C8orf90: variants seen among roughly 807,000 people sequenced by gnomAD.
C8orf90 encodes chromosome 8 open reading frame 90.
the C8orf90 span, among the ~76,000 whole-genome samples, chr8:141,515,647 C>T: frequency 6.6e-6 from 1 of 152,014 alleles, no homozygotes; most frequent in African/African-American, 2.4e-5. Context: ...GGTGGAAGCC[C>T]ACAGTGTCTT....
At chr8:141,516,094 C>T in the C8orf90 span, among the ~76,000 whole-genome samples, 1 of 152,212 alleles carries the variant, frequency 6.6e-6, no homozygotes. Flanking sequence ...TCCCTCCTCC[C>T]AGCCAAAGGC....
chr8:141,516,016 T>C, the C8orf90 span, among the ~76,000 whole-genome samples: 1 of 152,148 alleles, frequency 6.6e-6, no homozygotes, highest in African/African-American at 2.4e-5. Context: ...AGGACTTTGC[T>C]GGTGCCCACC....
At chr8:141,518,393 C>G in the C8orf90 span, 3 of 675,454 alleles carry the variant, frequency 4.4e-6, no homozygotes, top group East Asian at 9.0e-5. Context: ...GCCTGGCCGC[C>G]GGGGTCCGAC....
At chr8:141,518,519 A>G in the C8orf90 span, 1 of 552,306 alleles carries the variant, frequency 1.8e-6, no homozygotes, top group Non-Finnish European at 3.2e-6. Context: ...GCCACGGCCC[A>G]GGCAGCGATG....
the C8orf90 span, chr8:141,518,378 C>A: frequency 8.9e-6 from 6 of 676,946 alleles, no homozygotes; most frequent in East Asian, 3.0e-5. Context: ...CTGCCCTTCC[C>A]GTTCGCCTGG....
the C8orf90 span, chr8:141,514,732 A>G: frequency 2.9e-6 from 2 of 701,528 alleles, no homozygotes; most frequent in Admixed American, 4.0e-5. Context: ...CCAGCCCAGC[A>G]GGTCTGCCCC....
At chr8:141,514,848 C>A in the C8orf90 span, 1 of 671,154 alleles carries the variant, frequency 1.5e-6, no homozygotes, top group South Asian at 1.6e-5. Context: ...AGGAAGCGGC[C>A]CTCTGACCCA....
At chr8:141,515,937 C>T in the C8orf90 span, among the ~76,000 whole-genome samples, 5 of 152,314 alleles carry the variant, frequency 3.3e-5, no homozygotes, top group Non-Finnish European at 5.9e-5. Context: ...AAGCCCCCAT[C>T]GTCTCTCTCC....
the C8orf90 span, chr8:141,518,516 C>G: frequency 1.8e-6 from 1 of 564,592 alleles, no homozygotes; most frequent in Non-Finnish European, 3.1e-6. Context: ...CACGCCACGG[C>G]CCAGGCAGCG....
the C8orf90 span, chr8:141,514,686 G>C: frequency 1.0e-5 from 7 of 700,692 alleles, no homozygotes; most frequent in Non-Finnish European, 1.3e-5. Flanking sequence ...CCTGTCTCCC[G>C]GGCTGCTGGC....
At chr8:141,518,089 G>A in the C8orf90 span, 4 of 510,792 alleles carry the variant, frequency 7.8e-6, no homozygotes, top group African/African-American at 2.0e-5. Flanking sequence ...TGCCTTTCGA[G>A]CTCATTCGGC....
At chr8:141,518,075 G>T in the C8orf90 span, 1 of 510,802 alleles carries the variant, frequency 2.0e-6, no homozygotes, top group African/African-American at 2.0e-5. Flanking sequence ...GCCATCCCCA[G>T]CTCTGCCTTT....
the C8orf90 span, among the ~76,000 whole-genome samples, chr8:141,516,174 C>G: frequency 6.6e-6 from 1 of 152,232 alleles, no homozygotes; most frequent in Non-Finnish European, 1.5e-5. Context: ...CCCTCTTTCT[C>G]CTGCATCATG....
chr8:141,516,242 G>C, the C8orf90 span, among the ~76,000 whole-genome samples: 2 of 152,100 alleles, frequency 1.3e-5, no homozygotes, highest in African/African-American at 4.8e-5. Flanking sequence ...GATTTATCCT[G>C]TCTCTTGACC....
the C8orf90 span, among the ~76,000 whole-genome samples, chr8:141,517,986 C>A: frequency 6.6e-6 from 1 of 152,240 alleles, no homozygotes; most frequent in Non-Finnish European, 1.5e-5. Flanking sequence ...CACCCAGGAC[C>A]TCCCTCTCTT....
the C8orf90 span, among the ~76,000 whole-genome samples, chr8:141,516,601 G>A: frequency 3.2e-4 from 49 of 152,200 alleles, no homozygotes; most frequent in African/African-American, 1.1e-3. Context: ...GGGAGGACCC[G>A]AAGCTCTCTG....
At chr8:141,517,112 G>A in the C8orf90 span, among the ~76,000 whole-genome samples, 2 of 152,216 alleles carry the variant, frequency 1.3e-5, no homozygotes, top group Non-Finnish European at 1.5e-5. Context: ...GCCCAGCCCA[G>A]GGCTTCAGCT....
At chr8:141,517,523 G>C in the C8orf90 span, among the ~76,000 whole-genome samples, 3 of 152,216 alleles carry the variant, frequency 2.0e-5, no homozygotes, top group African/African-American at 7.2e-5. Flanking sequence ...AGGCTGAAGG[G>C]TGGCATGACT....
chr8:141,518,623 CCTT>C, the C8orf90 span: 1 of 508,368 alleles, frequency 2.0e-6, no homozygotes, highest in Admixed American at 3.7e-5. Context: ...CCCGCCGCCG[CCTT>C]CCCGGAGCCC....
Sources: gnomAD v4.1 joint callset for allele counts (sites outside exome capture counted in the v4.1 genomes callset) on GRCh38, gnomAD v4.1.1 for gene constraint, MANE v1.5 for transcripts, NCBI Gene and HGNC (gene_info 2026-07-23, HGNC 2026-07-21) for gene names.